TTN: variants seen among roughly 807,000 people sequenced by gnomAD.
The protein encoded by TTN is connectin.
TTN carries 1,525 observed loss-of-function variants against 3,223.0 expected under a neutral mutation model. That is an observed-to-expected ratio of 0.47 (90% CI 0.45 to 0.49). The LOEUF is 0.49. Ranked by LOEUF, TTN falls within the 20% of genes least tolerant of loss-of-function variation. The pLI, the probability that TTN is intolerant of heterozygous loss-of-function variation, is 0.00. For missense variants in TTN, 40,786 were observed against 43,424.0 expected, an observed-to-expected ratio of 0.94 and a Z score of 5.40; for synonymous variants, 14,094 against 15,161.0, an observed-to-expected ratio of 0.93 and a Z score of 5.17.
chr2:178,728,425 C>A lies in TTN; in HGVS notation c.19427-28G>T, dbSNP rs773373475. On this transcript the variant is annotated intron_variant, in intron 66 of 362. Coordinates refer to ENST00000589042, the MANE Select transcript of TTN (RefSeq NM_001267550.2). ...GTCCAATGCAAACAGCAAAACACAT[C>A]CATTAATCTCTTGCTATTTGTTTAC... 2.5e-6 allele frequency: 4 copies of A among 1,579,450 alleles called. No homozygotes were observed. The East Asian group carries it at 9.0e-5, about 36-fold the overall frequency.
rs779957470 is a variant in TTN, at chr2:178,731,218, G to A, written c.17462-15C>T. The A allele has an allele frequency of 6.2e-7, 1 of 1,611,638 alleles. No individual in the cohort carries two copies. The highest frequency in any genetic ancestry group is 1.7e-5 in the Admixed American group (1 of 59,858). On this transcript the variant is annotated splice_polypyrimidine_tract_variant and intron_variant, in intron 59 of 362. Transcript: ENST00000589042. ...TGTTGCAGGTTCTGTAGAAAACAAA[G>A]GGATAGATGTGGGTTGTGCATTACC...
chr2:178,711,831 A>C, intron 96 of TTN, 113 bp downstream of exon 96: 1 of 1,291,612 alleles, frequency 7.7e-7, no homozygotes. Flanking sequence ...GGATTACTTA[A>C]GCAGAATTTT....
Position 178,584,922 on chromosome 2 carries a change from G to A in TTN, c.64719C>T (p.Asp21573=), listed in dbSNP as rs727504967. The change falls in exon 310 of 363, where the codon GAC becomes GAT. Residue 21573 remains aspartate (D), a synonymous_variant. Transcript: ENST00000589042. ...GCCATGACAGGGAGCAAGCATCAGC[G>A]TCTATATCAGAAATGTCAAATGGAG... The part of the protein sequence containing the change: ...PQPPFDISDI[D]ADACSLSWHI... 27 of 1,613,134 alleles carry A rather than the reference G, an allele frequency of 1.7e-5. No individual in the cohort carries two copies. The highest frequency in any genetic ancestry group is 1.3e-4 in the East Asian group (6 of 44,746).
At position 178,653,136 on chromosome 2, in the gene TTN, T is replaced by C; in HGVS notation, c.38792-12A>G. ...GGGAGCCTCTGGCACTTAAAAGATA[T>C]TAGGTAAAATTACATTTAGGGGTTA... On this transcript the variant is annotated splice_polypyrimidine_tract_variant and intron_variant, in intron 198 of 362. Transcript: ENST00000589042. 2 of 1,612,234 alleles carry C rather than the reference T, an allele frequency of 1.2e-6. No homozygotes were observed. Among genetic ancestry groups the C allele is most frequent in the Non-Finnish European group, 1.7e-6 (2 of 1,179,284 alleles).
At chr2:178,616,388 T>G in intron 257 of TTN, 91 bp downstream of exon 257, 1 of 1,536,190 alleles carries the variant, frequency 6.5e-7, no homozygotes, top group Non-Finnish European at 8.8e-7. Context: ...TAAGAAGTTG[T>G]AGCACATAAG....
rs767706766 is a variant in TTN, at chr2:178,756,569, G to A, written c.10907C>T (p.Ala3636Val). Reference protein sequence around the residue: ...SVQDTQLCHTASLSQIAESTE... With the variant: ...SVQDTQLCHTVSLSQIAESTE... Reference sequence around the variant, plus strand: ...GCTTTCTGCAATTTGTGAAAGGGATGCAGTATGGCACAACTGTGTATCTTG... The same window carrying A: ...GCTTTCTGCAATTTGTGAAAGGGATACAGTATGGCACAACTGTGTATCTTG... Residue 3636 changes from alanine to valine, a missense_variant, in exon 46 of 363, where the codon GCA (alanine) becomes GTA (valine). Coordinates refer to ENST00000589042, the MANE Select transcript of TTN (RefSeq NM_001267550.2). The A allele has an allele frequency of 2.5e-6, 4 of 1,611,754 alleles. No homozygotes were observed. Among genetic ancestry groups the A allele is most frequent in the Non-Finnish European group, 2.5e-6 (3 of 1,178,404 alleles).
rs547992949 is a variant in TTN at position 178,653,236 on chromosome 2, A to G, written c.38791+2T>C. The G allele has an allele frequency of 6.2e-7, 1 of 1,611,394 alleles. No homozygotes were observed. Among genetic ancestry groups the G allele is most frequent in the East Asian group, 2.2e-5 (1 of 44,660 alleles). ...CTGAAGCCTAAGGTCAGTGACAAAT[A>G]CCTTTAACAGGTGGGACTTCAGGCT... On this transcript the variant is annotated splice_donor_variant, in intron 198 of 362. Transcript: ENST00000589042. LOFTEE classifies it high-confidence loss of function.
chr2:178,534,726 G>A lies in TTN; in HGVS notation c.101889C>T (p.Ala33963=). 1 of 1,613,760 alleles carries A rather than the reference G, an allele frequency of 6.2e-7. No homozygotes were observed. The highest frequency in any genetic ancestry group is 8.5e-7 in the Non-Finnish European group (1 of 1,179,776). Residue 33963 remains alanine (A), a synonymous_variant, in exon 358 of 363, where the codon GCC becomes GCT. Coordinates refer to ENST00000589042, the MANE Select transcript of TTN (RefSeq NM_001267550.2). ...AGTTGTCCCCTGGTTTCAGCTGACG[G>A]GCTTGACCAAATTCTATGATTTTAA... is the stretch of plus-strand genomic sequence containing the variant. ...STIKIIEFGQ[A]RQLKPGDNFR...
rs369440319 is a variant in TTN at position 178,595,546 on chromosome 2, C to G, written c.57808G>C (p.Val19270Leu). Residue 19270 changes from valine (V) to leucine (L), a missense_variant, in exon 295 of 363, where the codon GTT becomes CTT. By Grantham distance (32) the Val-to-Leu change is conservative. Transcript: ENST00000589042. ...AENSIGMGPFVETSEALVIRE... is the reference protein window; with the variant it reads ...AENSIGMGPFLETSEALVIRE... ...ATAACAAGTGCCTCTGATGTCTCAA[C>G]AAATGGACCCATGCCAATACTATTT... 121 of 1,566,626 alleles carry G rather than the reference C, an allele frequency of 7.7e-5. No homozygotes were observed. The African/African-American group carries it at 1.5e-3, about 20-fold the overall frequency.
chr2:178,577,010 C>T lies in TTN; in HGVS notation c.69325G>A (p.Glu23109Lys), dbSNP rs727503571. The T allele has an allele frequency of 1.9e-6, 3 of 1,613,344 alleles. No individual in the cohort carries two copies. Among genetic ancestry groups the T allele is most frequent in the East Asian group, 2.2e-5 (1 of 44,846 alleles). ...ACAGCTGAGACCCGGAAGATGTACTCATTTCCTTGGATAAGTTTGGTTGCC... is the reference window on the plus strand; with the variant it reads ...ACAGCTGAGACCCGGAAGATGTACTTATTTCCTTGGATAAGTTTGGTTGCC... Reference protein sequence around the residue: ...HVATKLIQGNEYIFRVSAVNH... With the variant: ...HVATKLIQGNKYIFRVSAVNH... The change falls in exon 324 of 363, where the codon GAG (glutamate) becomes AAG (lysine). Residue 23109 changes from glutamate (E) to lysine (K), a missense_variant. By Grantham distance (56) the Glu-to-Lys change is moderately conservative (BLOSUM62 1). Transcript: ENST00000589042.
chr2:178,771,524 G>A, intron 33 of TTN, 53 bp from the exon 34 acceptor site: 2 of 1,607,568 alleles, frequency 1.2e-6, no homozygotes, highest in Non-Finnish European at 1.7e-6. Flanking sequence ...TCACACAATG[G>A]GAAAATCTTT....
At position 178,539,539 on chromosome 2, in the gene TTN, G is replaced by A. The variant is rs750688548; in HGVS notation, c.98526C>T (p.Ala32842=). The A allele has an allele frequency of 6.2e-7, 1 of 1,613,768 alleles. No individual in the cohort carries two copies. Among genetic ancestry groups the A allele is most frequent in the South Asian group, 1.1e-5 (1 of 91,074 alleles). ...ILERREVPKA[A]WYTIDSRVRG... is the part of the protein sequence containing the mutation. ...GGACTCTGGAATCAATGGTATACCA[G>A]GCGGCTTTAGGCACTTCTCGTCTCT... The change falls in exon 352 of 363, where the codon GCC becomes GCT. Residue 32842 remains alanine (A), a synonymous_variant. Coordinates refer to ENST00000589042, the MANE Select transcript of TTN (RefSeq NM_001267550.2).
At position 178,636,632 on chromosome 2, in the gene TTN, A is replaced by T; in HGVS notation, c.41095T>A (p.Phe13699Ile). 1 of 1,613,398 alleles carries T rather than the reference A, an allele frequency of 6.2e-7. No homozygotes were observed. The highest frequency in any genetic ancestry group is 1.1e-5 in the South Asian group (1 of 91,062). ...IKDIILTESE[F>I]VGSSAIFECL... ...TCAAAGATTGCTGAAGAGCCAACGAACTCTGATTCTGTCAAGATGATGTCT... is the reference window on the plus strand; with the variant it reads ...TCAAAGATTGCTGAAGAGCCAACGATCTCTGATTCTGTCAAGATGATGTCT... The change falls in exon 225 of 363, where the codon TTC becomes ATC. Residue 13699 changes from phenylalanine (F) to isoleucine (I), a missense_variant. Phe to Ile is a conservative substitution (Grantham distance 21). Coordinates refer to ENST00000589042, the MANE Select transcript of TTN (RefSeq NM_001267550.2). This position sits in a 1 kb window ranked among gnomAD's most constrained non-coding sequence, Gnocchi z 4.3.
In TTN at chr2:178,528,893, C is replaced by T. The variant is rs377593605; in HGVS notation, c.106858G>A (p.Glu35620Lys). The part of the protein sequence containing the change: ...KAFSTQMSIN[E>K]GQRLVLKANI... ...GCTTTTAAAACCAGTCTTTGACCTTCGTTTATGCTCATCTGAGTAGAAAAT... is the reference window on the plus strand; with the variant it reads ...GCTTTTAAAACCAGTCTTTGACCTTTGTTTATGCTCATCTGAGTAGAAAAT... The change falls in exon 360 of 363, where the codon GAA (glutamate) becomes AAA (lysine). Residue 35620 changes from glutamate (E) to lysine (K), a missense_variant. Transcript: ENST00000589042. 24 of 1,614,000 alleles carry T rather than the reference C, an allele frequency of 1.5e-5. No homozygotes were observed. Among genetic ancestry groups the T allele is most frequent in the African/African-American group, 6.7e-5 (5 of 75,060 alleles).
Position 178,712,239 on chromosome 2 carries a change from T to TAATC in TTN, c.27608-21_27608-18dup, listed in dbSNP as rs760040610. The TAATC allele has an allele frequency of 6.2e-7, 1 of 1,611,054 alleles. No homozygotes were observed. The highest frequency in any genetic ancestry group is 8.5e-7 in the Non-Finnish European group (1 of 1,177,946). On this transcript the variant is annotated splice_polypyrimidine_tract_variant and intron_variant, in intron 95 of 362. Coordinates refer to ENST00000589042, the MANE Select transcript of TTN (RefSeq NM_001267550.2). ...ACGGTGGTTCTGCAGCCAAGAGAGA[T>TAATC]AATCAATCAGTCATGAAGGAGACAT... is the stretch of plus-strand genomic sequence containing the variant.
chr2:178,537,229 G>T lies in TTN; in HGVS notation c.99880C>A (p.Pro33294Thr). 1 of 1,596,904 alleles carries T rather than the reference G, an allele frequency of 6.3e-7. No homozygotes were observed. The highest frequency in any genetic ancestry group is 8.6e-7 in the Non-Finnish European group (1 of 1,169,274). The change falls in exon 356 of 363, where the codon CCT (proline) becomes ACT (threonine). Residue 33294 changes from proline to threonine, a missense_variant. Pro to Thr is a conservative substitution (Grantham distance 38). Coordinates refer to ENST00000589042, the MANE Select transcript of TTN (RefSeq NM_001267550.2). ...GCTTCGATCACAATTGGTCCTGTAG[G>T]TTTGTCTGGTTTATCTGTTGGGGGA... ...DVEIQDKPDKPTGPIVIEALL... is the reference protein window; with the variant it reads ...DVEIQDKPDKTTGPIVIEALL...
chr2:178,718,205 A>G lies in TTN; in HGVS notation c.24801T>C (p.Ile8267=). 1 of 1,601,382 alleles carries G rather than the reference A, an allele frequency of 6.2e-7. No individual in the cohort carries two copies. The highest frequency in any genetic ancestry group is 8.5e-7 in the Non-Finnish European group (1 of 1,177,062). Residue 8267 remains isoleucine (I), a synonymous_variant, in exon 86 of 363, where the codon ATT becomes ATC. Transcript: ENST00000589042. ...LVSVLEPPYF[I]EPLEHVEAVI... is the part of the protein sequence containing the mutation. ...CTGCTTCCACATGTTCCAGAGGTTCAATAAAGTACGGTGGTTCTATGGTAC... is the reference window on the plus strand; with the variant it reads ...CTGCTTCCACATGTTCCAGAGGTTCGATAAAGTACGGTGGTTCTATGGTAC...
At chr2:178,602,641 G>A (rs1424161460) in intron 282 of TTN, 51 bp from the exon 283 acceptor site, 1 of 1,405,086 alleles carries the variant, frequency 7.1e-7, no homozygotes, top group African/African-American at 1.5e-5. Context: ...AGCTGATGAA[G>A]TGCTGGAGTC....
At chr2:178,749,468 C>T (rs990494690) in intron 47 of TTN, 16 of 1,612,808 alleles carry the variant, frequency 9.9e-6, no homozygotes, top group Non-Finnish European at 1.2e-5. Context: ...AGTCTCAAGG[C>T]TTTGAAAATA....
Sources: allele counts gnomAD v4.1 joint callset, GRCh38; gene constraint gnomAD v4.1.1; non-coding constraint Gnocchi (gnomAD v3.1); transcripts MANE v1.5; gene names NCBI Gene and HGNC (gene_info 2026-07-23, HGNC 2026-07-21).